The following UGT1A8 variants were observed in gnomAD, a reference collection of about 807,000 sequenced individuals.
The protein encoded by UGT1A8 is UDP-glucuronosyltransferase 1A8.
Under a neutral mutation model 45.3 loss-of-function variants are expected in UGT1A8, and 39 were observed. That is an observed-to-expected ratio of 0.86 (90% confidence interval 0.67 to 1.12). The LOEUF (loss-of-function observed/expected upper bound fraction) is 1.12, where lower values mean the gene tolerates loss of function less well. Ranked by LOEUF, UGT1A8 falls within the 50% of genes most tolerant of loss-of-function variation. The pLI, the probability that UGT1A8 is intolerant of heterozygous loss-of-function variation, is 0.00. For synonymous variants in UGT1A8, 275 were observed against 249.2 expected (o/e 1.10, Z -0.97); for missense variants, 719 against 664.9 (o/e 1.08, Z -0.90).
At chr2:233,666,847 T>C (rs1231480698) in intron 1 of UGT1A8, among the ~76,000 whole-genome samples, 1 of 141,390 alleles carries the variant, frequency 7.1e-6, no homozygotes, top group Non-Finnish European at 1.5e-5. Context: ...CACCTTCCTG[T>C]GTCCATGTGT....
At chr2:233,758,929 A>C (rs1287701238) in intron 1 of UGT1A8, among the ~76,000 whole-genome samples, 2 of 152,152 alleles carry the variant, frequency 1.3e-5, no homozygotes, top group Non-Finnish European at 2.9e-5. Context: ...TTCCCTTTTG[A>C]CTTCAAATCA....
At chr2:233,724,803 C>T (rs1387288842) in intron 1 of UGT1A8, among the ~76,000 whole-genome samples, 2 of 138,308 alleles carry the variant, frequency 1.4e-5, no homozygotes, top group South Asian at 5.4e-4. Flanking sequence ...GGGTGGCGGC[C>T]GGGCAGAGGC....
At position 233,764,952 on chromosome 2, in the gene UGT1A8, G is replaced by A. The variant is rs141731857; in HGVS notation, c.856-2082G>A. On this transcript the variant is annotated intron_variant, in intron 1 of 4. Transcript: ENST00000373450. Reference sequence around the variant, plus strand: ...GCTGGTGAGAGTGGCGGGGAGAGAGGGCTCACCTTGGGAGAAGGATGGTCA... The same window carrying A: ...GCTGGTGAGAGTGGCGGGGAGAGAGAGCTCACCTTGGGAGAAGGATGGTCA... Among the ~76,000 whole-genome samples the A allele has an allele frequency of 2.5e-3, 384 of 152,210 alleles. 3 individuals are homozygous for A. Among genetic ancestry groups the A allele is most frequent in the South Asian group, 8.5e-3 (41 of 4,812 alleles).
chr2:233,751,748 T>C (rs1261704160), intron 1 of UGT1A8, among the ~76,000 whole-genome samples: 3 of 152,220 alleles, frequency 2.0e-5, no homozygotes, highest in African/African-American at 7.2e-5. Flanking sequence ...TCTCTCTTGC[T>C]TGCTGCCATG....
chr2:233,748,384 T>G (rs546137113), intron 1 of UGT1A8, among the ~76,000 whole-genome samples: 6 of 151,768 alleles, frequency 4.0e-5, no homozygotes, highest in Admixed American at 6.6e-5. Flanking sequence ...ATGTCCTTCA[T>G]TGGGAAGGAG....
At chr2:233,672,676 A>G in intron 1 of UGT1A8, 1 of 1,613,916 alleles carries the variant, frequency 6.2e-7, no homozygotes, top group Non-Finnish European at 8.5e-7. Flanking sequence ...CTACAGCCAC[A>G]CATCAATTTG....
At chr2:233,755,407 G>A (rs1260827425) in intron 1 of UGT1A8, 10 of 333,228 alleles carry the variant, frequency 3.0e-5, no homozygotes, top group Non-Finnish European at 4.1e-5. Context: ...CTCATTGGCC[G>A]AGGCCTGTGA....
intron 1 of UGT1A8, chr2:233,719,004 A>T: frequency 6.2e-7 from 1 of 1,614,212 alleles, no homozygotes; most frequent in Non-Finnish European, 8.5e-7. Flanking sequence ...GGTGGTCCTC[A>T]CCCCAGAGGT....
intron 1 of UGT1A8, among the ~76,000 whole-genome samples, chr2:233,635,962 T>C (rs2073281351): frequency 6.6e-6 from 1 of 150,810 alleles, no homozygotes; most frequent in Non-Finnish European, 1.5e-5. Context: ...TTCAGAGGCC[T>C]CTCAGGGTTT....
At chr2:233,632,661 T>C (rs941831878) in intron 1 of UGT1A8, among the ~76,000 whole-genome samples, 11 of 152,228 alleles carry the variant, frequency 7.2e-5, no homozygotes, top group African/African-American at 2.7e-4. Flanking sequence ...GGAATGCTTG[T>C]GATTTTTGCA....
intron 1 of UGT1A8, among the ~76,000 whole-genome samples, chr2:233,727,196 C>T (rs77179634): frequency 0.034 from 5,111 of 152,210 alleles, 99 homozygotes; most frequent in African/African-American, 0.05. Flanking sequence ...CTGGGGTGAC[C>T]TCACTGACAC....
At chr2:233,661,729 C>T (rs1191852068) in intron 1 of UGT1A8, among the ~76,000 whole-genome samples, 10 of 134,838 alleles carry the variant, frequency 7.4e-5, no homozygotes, top group East Asian at 6.6e-4. Flanking sequence ...TTTTAATGAT[C>T]GCCAACCACA....
rs567983047 is a variant in UGT1A8, at chr2:233,769,352, G to A, written c.1295+913G>A. On this transcript the variant is annotated intron_variant, in intron 4 of 4. Transcript: ENST00000373450. This position sits in a 1 kb window ranked among gnomAD's most constrained non-coding sequence, Gnocchi z 4.4. The stretch of plus-strand genomic sequence containing the variant: ...GCTTATTAGAACCTTATGGGAAGAA[G>A]TGGTGGCCAGTGGTAGATTTCATCC... 6.6e-6 allele frequency among the ~76,000 whole-genome samples: 1 copy of A among 152,372 alleles called. No homozygotes were observed. Among genetic ancestry groups the A allele is most frequent in the East Asian group, 1.9e-4 (1 of 5,194 alleles).
intron 1 of UGT1A8, among the ~76,000 whole-genome samples, chr2:233,697,593 A>T (rs1575461386): frequency 2.2e-5 from 3 of 138,614 alleles, no homozygotes; most frequent in African/African-American, 2.7e-5. Flanking sequence ...GATCTTTATT[A>T]TTTCTTTCCT....
intron 1 of UGT1A8, chr2:233,747,764 C>G: frequency 6.2e-7 from 1 of 1,613,426 alleles, no homozygotes; most frequent in Non-Finnish European, 8.5e-7. Context: ...ACTTTAAGGG[C>G]ACACAGTGTC....
chr2:233,642,939 G>T (rs1026967103), intron 1 of UGT1A8, among the ~76,000 whole-genome samples: 1 of 152,020 alleles, frequency 6.6e-6, no homozygotes, highest in African/African-American at 2.4e-5. Context: ...CCTCAAGCTG[G>T]GGGTGGAGTG....
intron 1 of UGT1A8, chr2:233,682,604 T>A (rs534450007): frequency 1.2e-6 from 2 of 1,613,930 alleles, no homozygotes; most frequent in Non-Finnish European, 1.7e-6. Flanking sequence ...TTGCCCCTAT[T>A]TTTTCAAAAA....
Position 233,772,467 on chromosome 2 carries a change from T to C in UGT1A8, c.1501T>C (p.Phe501Leu), listed in dbSNP as rs761746377. Residue 501 changes from phenylalanine to leucine, a missense_variant, in exon 5 of 5, where the codon TTC becomes CTC. Transcript: ENST00000373450. ...FLLAVVLTVA[F>L]ITFKCCAYGY... is the part of the protein sequence containing the mutation. ...CTTGGCCGTCGTGCTGACAGTGGCC[T>C]TCATCACCTTTAAATGTTGTGCTTA... is the stretch of plus-strand genomic sequence containing the variant. 2 of 1,614,038 alleles carry C rather than the reference T, an allele frequency of 1.2e-6. No individual in the cohort carries two copies. The highest frequency in any genetic ancestry group is 1.3e-5 in the African/African-American group (1 of 74,916).
chr2:233,702,473 C>A (rs550739949), intron 1 of UGT1A8, among the ~76,000 whole-genome samples: 2 of 152,066 alleles, frequency 1.3e-5, no homozygotes, highest in South Asian at 2.1e-4. Flanking sequence ...ATCTAATTGC[C>A]CTGGCTTGAA....
Sources: gnomAD v4.1 joint callset for allele counts (sites outside exome capture counted in the v4.1 genomes callset) on GRCh38, gnomAD v4.1.1 for gene constraint, Gnocchi (gnomAD v3.1) non-coding constraint, MANE v1.5 for transcripts, NCBI Gene and HGNC (gene_info 2026-07-23, HGNC 2026-07-21) for gene names.